The following BTBD9 variants were observed in gnomAD, a reference collection of about 807,000 sequenced individuals.
The protein encoded by BTBD9 is BTB/POZ domain-containing protein 9.
BTBD9 carries 49 observed loss-of-function variants against 64.3 expected under a neutral mutation model. The observed-to-expected ratio is 0.76, with a 90% CI of 0.61 to 0.97. The LOEUF is 0.97. Among genes scored for constraint, BTBD9 ranks in the 50% least tolerant of loss-of-function variants. The pLI, the probability that BTBD9 is intolerant of heterozygous loss-of-function variation, is 0.00. For synonymous variants in BTBD9, 260 were observed against 274.7 expected (o/e 0.95, Z 0.53); for missense variants, 598 against 762.1 (o/e 0.78, Z 2.53).
chr6:38,219,453 T>C (rs1763127592), intron 9 of BTBD9, among the ~76,000 whole-genome samples: 1 of 152,068 alleles, frequency 6.6e-6, no homozygotes, highest in South Asian at 2.1e-4. Flanking sequence ...CACTTTTTCT[T>C]TTTTAGACTA....
intron 6 of BTBD9, among the ~76,000 whole-genome samples, chr6:38,522,260 A>T (rs907462407): frequency 1.3e-5 from 2 of 152,168 alleles, no homozygotes; most frequent in Non-Finnish European, 2.9e-5. Context: ...CACATATGCC[A>T]TTTTTTGAGA....
intron 8 of BTBD9, among the ~76,000 whole-genome samples, chr6:38,263,005 T>C (rs1173797147): frequency 1.3e-5 from 2 of 152,332 alleles, no homozygotes; most frequent in African/African-American, 2.4e-5. Flanking sequence ...GGGACCATAA[T>C]GCCACTGTTG....
intron 10 of BTBD9, among the ~76,000 whole-genome samples, chr6:38,190,524 T>C (rs1762028400): frequency 2.0e-5 from 3 of 150,878 alleles, no homozygotes; most frequent in African/African-American, 7.3e-5. Flanking sequence ...ACTTTGAGGC[T>C]TTTTTTCCCC....
At chr6:38,208,897 G>A (rs754754446) in intron 9 of BTBD9, among the ~76,000 whole-genome samples, 2 of 152,160 alleles carry the variant, frequency 1.3e-5, no homozygotes, top group Non-Finnish European at 2.9e-5. Flanking sequence ...GCAAAAAACC[G>A]TGTTAGGAGC....
At chr6:38,193,763 T>A (rs1762181057) in intron 9 of BTBD9, 1 of 970,918 alleles carries the variant, frequency 1.0e-6, no homozygotes, top group South Asian at 4.8e-5. Context: ...CCTGTAATTG[T>A]CTAATTACCA....
chr6:38,395,092 G>C (rs1766607628), intron 6 of BTBD9, among the ~76,000 whole-genome samples: 1 of 152,078 alleles, frequency 6.6e-6, no homozygotes, highest in Middle Eastern at 3.2e-3. Context: ...AGGTGATTAG[G>C]TCATGAGTGA....
intron 6 of BTBD9, chr6:38,482,432 T>C (rs1771197447): frequency 6.6e-6 from 1 of 151,774 alleles, no homozygotes; most frequent in Non-Finnish European, 1.5e-5. Flanking sequence ...TTTTTTACTT[T>C]TAGCTACCCC....
intron 9 of BTBD9, among the ~76,000 whole-genome samples, chr6:38,206,616 C>T (rs961846838): frequency 4.0e-5 from 6 of 151,638 alleles, no homozygotes; most frequent in South Asian, 2.1e-4. Flanking sequence ...TGGCTCTGAA[C>T]GATAGTTACA....
intron 1 of BTBD9, among the ~76,000 whole-genome samples, chr6:38,599,281 T>C (rs1777166393): frequency 6.6e-6 from 1 of 152,112 alleles, no homozygotes; most frequent in African/African-American, 2.4e-5. Flanking sequence ...TAATACCGAA[T>C]GTACTTGCAG....
intron 6 of BTBD9, among the ~76,000 whole-genome samples, chr6:38,576,036 G>C (rs1776011951): frequency 6.6e-6 from 1 of 152,192 alleles, no homozygotes; most frequent in East Asian, 1.9e-4. Context: ...AAAGCACACA[G>C]GCTGTCATGG....
intron 7 of BTBD9, among the ~76,000 whole-genome samples, chr6:38,328,978 G>A (rs1232619671): frequency 1.4e-5 from 2 of 141,810 alleles, no homozygotes; most frequent in East Asian, 2.2e-4. Flanking sequence ...ATGTGTGTGT[G>A]TGTGTGTGTG....
intron 6 of BTBD9, among the ~76,000 whole-genome samples, chr6:38,427,206 C>A (rs1196203028): frequency 6.6e-6 from 1 of 150,698 alleles, no homozygotes; most frequent in Non-Finnish European, 1.5e-5. Context: ...AAGCTGATGC[C>A]ATGCTGAGTA....
intron 6 of BTBD9, among the ~76,000 whole-genome samples, chr6:38,484,569 C>T (rs1306360001): frequency 6.6e-6 from 1 of 152,188 alleles, no homozygotes; most frequent in African/African-American, 2.4e-5. Context: ...TTTGTAGCAA[C>T]CCTATGAGAC....
intron 6 of BTBD9, among the ~76,000 whole-genome samples, chr6:38,556,559 G>C (rs927834435): frequency 2.1e-4 from 30 of 144,352 alleles, no homozygotes; most frequent in African/African-American, 7.9e-4. Context: ...GTGAGAGAGA[G>C]AGAGAGAGAG....
chr6:38,423,415 C>A (rs1009829154), intron 6 of BTBD9, among the ~76,000 whole-genome samples: 1 of 152,064 alleles, frequency 6.6e-6, no homozygotes, highest in Non-Finnish European at 1.5e-5. Flanking sequence ...AGTGATCCTC[C>A]CACCTAAGCC....
chr6:38,560,437 G>A (rs921828615), intron 6 of BTBD9, among the ~76,000 whole-genome samples: 1 of 152,056 alleles, frequency 6.6e-6, no homozygotes, highest in Non-Finnish European at 1.5e-5. Flanking sequence ...TGTTTTATTT[G>A]TATATATGCA....
chr6:38,513,836 T>A (rs758930117), intron 6 of BTBD9, among the ~76,000 whole-genome samples: 3 of 152,194 alleles, frequency 2.0e-5, no homozygotes, highest in Non-Finnish European at 4.4e-5. Flanking sequence ...TAGATGATAT[T>A]TTTATTTTTG....
intron 6 of BTBD9, among the ~76,000 whole-genome samples, chr6:38,411,494 G>A (rs1367466014): frequency 3.9e-5 from 6 of 151,958 alleles, no homozygotes; most frequent in African/African-American, 7.3e-5. Flanking sequence ...ATGGCCATAC[G>A]GAAAAAGATA....
chr6:38,462,850 G>C (rs759609757), intron 6 of BTBD9, among the ~76,000 whole-genome samples: 19 of 152,142 alleles, frequency 1.2e-4, no homozygotes, highest in Non-Finnish European at 2.8e-4. Flanking sequence ...CCAGGCTGGA[G>C]TGCAGTGGCG....
Sources: gnomAD v4.1 joint callset for allele counts (sites outside exome capture counted in the v4.1 genomes callset) on GRCh38, gnomAD v4.1.1 for gene constraint, MANE v1.5 for transcripts, NCBI Gene and HGNC (gene_info 2026-07-23, HGNC 2026-07-21) for gene names.